Variants in ERBB4 observed in about 807,000 individuals in gnomAD.
ERBB4 encodes the protein receptor tyrosine-protein kinase erbB-4.
In ERBB4, 42 loss-of-function variants were observed where a neutral mutation model predicts 158.0. The ratio of observed to expected loss-of-function variants is 0.27; its 90% CI spans 0.21 to 0.34. The LOEUF (loss-of-function observed/expected upper bound fraction) is 0.34. Ranked by LOEUF, ERBB4 falls within the 10% of genes least tolerant of loss-of-function variation. The probability of loss-of-function intolerance (pLI) is 1.00; values close to 1 mark genes in which losing one functional copy is unlikely to be tolerated. For missense variants in ERBB4, 1,333 were observed against 1,624.1 expected, an observed-to-expected ratio of 0.82 and a Z score of 3.08; for synonymous variants, 583 against 558.7, an observed-to-expected ratio of 1.04 and a Z score of -0.61.
At position 212,374,117 on chromosome 2, in the gene ERBB4, T is replaced by C. The variant is rs193276338; in HGVS notation, c.82+164332A>G. 9.5e-5 allele frequency among the ~76,000 whole-genome samples: 14 copies of C among 147,108 alleles called. No homozygotes were observed. The East Asian group carries it at 2.6e-3, about 27-fold the overall frequency. ...ATATATATATATACACACACATATATAGCTACTGTGATTTGACATAAAACA... is the reference window on the plus strand; with the variant it reads ...ATATATATATATACACACACATATACAGCTACTGTGATTTGACATAAAACA... On this transcript the variant is annotated intron_variant, in intron 1 of 27. Transcript: ENST00000342788.
chr2:211,457,930 A>G (rs1433474901), intron 20 of ERBB4, among the ~76,000 whole-genome samples: 2 of 152,194 alleles, frequency 1.3e-5, no homozygotes, highest in Non-Finnish European at 2.9e-5. Flanking sequence ...AAAATTGCAT[A>G]CCATTCATGT....
At chr2:211,918,544 G>A (rs1162944128) in intron 3 of ERBB4, among the ~76,000 whole-genome samples, 1 of 152,028 alleles carries the variant, frequency 6.6e-6, no homozygotes, top group Admixed American at 6.6e-5. Context: ...CGAGAGATAC[G>A]TTTTAATATC....
intron 1 of ERBB4, among the ~76,000 whole-genome samples, chr2:212,214,811 C>T (rs1345563412): frequency 6.6e-6 from 1 of 151,662 alleles, no homozygotes; most frequent in Non-Finnish European, 1.5e-5. Flanking sequence ...ACACAATGTT[C>T]ATTGCTCTAC....
chr2:211,881,572 G>C (rs2078662611), intron 3 of ERBB4, among the ~76,000 whole-genome samples: 1 of 120,622 alleles, frequency 8.3e-6, no homozygotes, highest in Non-Finnish European at 1.6e-5. Context: ...CAGAGAACCT[G>C]CCTGCATAAT....
chr2:212,304,588 A>T (rs1197840169), intron 1 of ERBB4, among the ~76,000 whole-genome samples: 1 of 151,548 alleles, frequency 6.6e-6, no homozygotes, highest in East Asian at 1.9e-4. Flanking sequence ...CAAGTTATTG[A>T]AAAAGCATCA....
At chr2:212,435,820 C>T (rs2092124308) in intron 1 of ERBB4, among the ~76,000 whole-genome samples, 1 of 151,834 alleles carries the variant, frequency 6.6e-6, no homozygotes, top group South Asian at 2.1e-4. Context: ...GGTTCTCTGA[C>T]CCCAAAGCTC....
intron 5 of ERBB4, among the ~76,000 whole-genome samples, chr2:211,726,358 C>T (rs1468375052): frequency 6.6e-6 from 1 of 152,094 alleles, no homozygotes; most frequent in Non-Finnish European, 1.5e-5. Context: ...CTCTGTGGAG[C>T]TACAGCATGC....
chr2:211,752,630 C>G (rs1414638759), intron 4 of ERBB4, among the ~76,000 whole-genome samples: 1 of 151,940 alleles, frequency 6.6e-6, no homozygotes, highest in African/African-American at 2.4e-5. Context: ...TTTATATTCT[C>G]AATGTTTTTC....
chr2:212,368,375 A>G (rs550404045), intron 1 of ERBB4, among the ~76,000 whole-genome samples: 1 of 152,292 alleles, frequency 6.6e-6, no homozygotes, highest in Admixed American at 6.5e-5. Flanking sequence ...AAGCTAAGCT[A>G]TGAGGACACA....
chr2:212,420,278 T>C (rs1053200028), intron 1 of ERBB4, among the ~76,000 whole-genome samples: 2 of 152,076 alleles, frequency 1.3e-5, no homozygotes, highest in Non-Finnish European at 2.9e-5. Context: ...TTATTTTCCA[T>C]TTAGGAGACT....
At chr2:211,890,791 G>A (rs1272120890) in intron 3 of ERBB4, among the ~76,000 whole-genome samples, 1 of 113,698 alleles carries the variant, frequency 8.8e-6, no homozygotes, top group African/African-American at 3.9e-5. Flanking sequence ...AACCAACAAA[G>A]ATCAAAAGAG....
chr2:212,002,884 C>T (rs1340613544), intron 2 of ERBB4, among the ~76,000 whole-genome samples: 1 of 151,568 alleles, frequency 6.6e-6, no homozygotes, highest in Non-Finnish European at 1.5e-5. Context: ...TATGGTGAAA[C>T]CCTGTCTTTA....
At chr2:211,430,795 T>TAC in intron 21 of ERBB4, 150 bp downstream of exon 21, 1 of 677,582 alleles carries the variant, frequency 1.5e-6, no homozygotes, top group Non-Finnish European at 2.6e-6. Flanking sequence ...CATATATATA[T>TAC]ACCCGGGGCA....
intron 16 of ERBB4, among the ~76,000 whole-genome samples, chr2:211,637,771 T>C (rs1329089312): frequency 6.6e-6 from 1 of 152,014 alleles, no homozygotes; most frequent in Non-Finnish European, 1.5e-5. Context: ...AAAAGATGCC[T>C]GGATAACATC....
Position 211,383,353 on chromosome 2 carries a change from C to T in ERBB4, c.*262G>A, listed in dbSNP as rs2062609557. 2.3e-6 allele frequency: 1 copy of T among 436,206 alleles called. No homozygotes were observed. The highest frequency in any genetic ancestry group is 2.0e-5 in the African/African-American group (1 of 50,546). The allele number at this position is 436,206 out of a possible 1,614,324, so 27.0% of individuals were successfully genotyped here. On this transcript the variant is annotated 3_prime_UTR_variant, in exon 28 of 28. Transcript: ENST00000342788. ...GCAGCATTGCCTTACATTTTCTGGT[C>T]CTTCTCTAGCTGTTTCATTCTCCTG...
At chr2:211,756,020 C>G (rs575842808) in intron 4 of ERBB4, among the ~76,000 whole-genome samples, 3 of 152,152 alleles carry the variant, frequency 2.0e-5, no homozygotes, top group African/African-American at 7.2e-5. Context: ...AGAATAATAC[C>G]TTTTTTATGA....
chr2:211,820,045 G>A (rs1280750107), intron 3 of ERBB4, among the ~76,000 whole-genome samples: 1 of 151,788 alleles, frequency 6.6e-6, no homozygotes, highest in Non-Finnish European at 1.5e-5. Context: ...AGGTGCTTGT[G>A]GGAAATGTTT....
At chr2:212,258,164 T>G (rs2084807736) in intron 1 of ERBB4, among the ~76,000 whole-genome samples, 1 of 152,106 alleles carries the variant, frequency 6.6e-6, no homozygotes, top group African/African-American at 2.4e-5. Context: ...AAAATTAGAT[T>G]TTTAAAAAAA....
intron 1 of ERBB4, among the ~76,000 whole-genome samples, chr2:212,268,774 G>A (rs1482996303): frequency 6.6e-6 from 1 of 151,770 alleles, no homozygotes; most frequent in Non-Finnish European, 1.5e-5. Context: ...TGATCCTTGG[G>A]TAATAGTTTG....
Sources: allele counts gnomAD v4.1 joint callset (sites outside exome capture counted in the v4.1 genomes callset), GRCh38; gene constraint gnomAD v4.1.1; transcripts MANE v1.5; gene names NCBI Gene and HGNC (gene_info 2026-07-23, HGNC 2026-07-21).